RANBP10: variants seen among roughly 807,000 people sequenced by gnomAD.
RANBP10 encodes the protein RAN binding protein 10.
RANBP10 carries 24 observed loss-of-function variants against 72.8 expected under a neutral mutation model. The ratio of observed to expected loss-of-function variants is 0.33; its 90% CI spans 0.24 to 0.46. The LOEUF is 0.46. Among genes scored for constraint, RANBP10 ranks in the 20% least tolerant of loss-of-function variants. RANBP10 has a pLI of 1.00. For synonymous variants in RANBP10, 310 were observed against 322.3 expected, an observed-to-expected ratio of 0.96 and a Z score of 0.41; for missense variants, 679 against 817.5, an observed-to-expected ratio of 0.83 and a Z score of 2.07.
At chr16:67,765,731 G>C (rs1241341336) in intron 3 of RANBP10, among the ~76,000 whole-genome samples, 1 of 152,092 alleles carries the variant, frequency 6.6e-6, no homozygotes, top group Non-Finnish European at 1.5e-5. Context: ...AGCTACTCGA[G>C]AGGCTGAGGC....
At chr16:67,806,255 C>A in intron 1 of RANBP10, 47 bp downstream of exon 1, 1 of 1,522,344 alleles carries the variant, frequency 6.6e-7, no homozygotes. Flanking sequence ...CAGAGCCACC[C>A]CACGGACGCT....
chr16:67,786,705 A>G (rs901069752), intron 2 of RANBP10, among the ~76,000 whole-genome samples: 2 of 152,164 alleles, frequency 1.3e-5, no homozygotes, highest in African/African-American at 4.8e-5. Context: ...AGGCGGGCAG[A>G]TCAGTTAAGG....
Position 67,806,400 on chromosome 16 carries a change from A to C in RANBP10, c.137T>G (p.Val46Gly). The C allele has an allele frequency of 6.2e-7, 1 of 1,609,032 alleles. No individual in the cohort carries two copies. Among genetic ancestry groups the C allele is most frequent in the Non-Finnish European group, 8.5e-7 (1 of 1,178,054 alleles). The change falls in exon 1 of 14, where the codon GTC (valine) becomes GGC (glycine). Residue 46 changes from valine to glycine, a missense_variant. Val to Gly is a moderately radical substitution (Grantham distance 109, BLOSUM62 -3). Transcript: ENST00000317506. ...CGGCAGCGGAGTCTCTTGCTGGTTG[A>C]CCGCGGGATACAGGCGCTGCAAGCG... ...SRRLQRLYPA[V>G]NQQETPLPRS...
At chr16:67,755,931 G>A (rs895485957) in intron 3 of RANBP10, among the ~76,000 whole-genome samples, 4 of 152,248 alleles carry the variant, frequency 2.6e-5, no homozygotes, top group South Asian at 2.1e-4. Context: ...GTCTATGCCC[G>A]GCCATGTCAG....
chr16:67,740,416 T>C (rs1043931411), intron 4 of RANBP10, among the ~76,000 whole-genome samples: 6 of 152,140 alleles, frequency 3.9e-5, no homozygotes, highest in African/African-American at 1.4e-4. Context: ...TAAAGTCTTA[T>C]ATCTCCCAGA....
intron 2 of RANBP10, among the ~76,000 whole-genome samples, chr16:67,800,094 C>A (rs1198833977): frequency 2.0e-5 from 3 of 152,056 alleles, no homozygotes; most frequent in Non-Finnish European, 4.4e-5. Context: ...TGCACTCCAG[C>A]CTGGCAACAG....
At chr16:67,737,160 T>C (rs1202644524) in intron 5 of RANBP10, among the ~76,000 whole-genome samples, 1 of 126,604 alleles carries the variant, frequency 7.9e-6, no homozygotes, top group Non-Finnish European at 1.7e-5. Context: ...TTTTTTTTTT[T>C]GAACTAAGCA....
chr16:67,746,456 G>C (rs545290688), intron 3 of RANBP10, among the ~76,000 whole-genome samples: 1 of 152,210 alleles, frequency 6.6e-6, no homozygotes, highest in African/African-American at 2.4e-5. Context: ...ACTCCAGCCT[G>C]GGCGACACAG....
intron 2 of RANBP10, among the ~76,000 whole-genome samples, chr16:67,775,790 T>C (rs916829850): frequency 3.9e-5 from 3 of 76,748 alleles, no homozygotes; most frequent in Non-Finnish European, 5.5e-5. Context: ...AGACTCCGTC[T>C]AAAAAAAAAA....
intron 3 of RANBP10, among the ~76,000 whole-genome samples, chr16:67,761,896 T>A (rs1174561375): frequency 6.6e-6 from 1 of 151,966 alleles, no homozygotes; most frequent in African/African-American, 2.4e-5. Flanking sequence ...TAAAAGAACT[T>A]TAAATATATA....
At chr16:67,798,096 C>T (rs2055166894) in intron 2 of RANBP10, among the ~76,000 whole-genome samples, 3 of 151,924 alleles carry the variant, frequency 2.0e-5, no homozygotes. Flanking sequence ...GTTCCAGAAC[C>T]CAAACATTCC....
intron 3 of RANBP10, among the ~76,000 whole-genome samples, chr16:67,750,486 G>T (rs992143499): frequency 1.3e-5 from 2 of 152,184 alleles, no homozygotes; most frequent in Non-Finnish European, 2.9e-5. Context: ...TCCCGGGACT[G>T]TCCATGCCCC....
intron 2 of RANBP10, among the ~76,000 whole-genome samples, chr16:67,783,485 G>C (rs1379154294): frequency 6.6e-6 from 1 of 152,084 alleles, no homozygotes; most frequent in Non-Finnish European, 1.5e-5. Flanking sequence ...TCACAGCAGG[G>C]CTCCAAACAC....
intron 4 of RANBP10, chr16:67,738,653 C>T (rs2053905807): frequency 6.6e-6 from 1 of 152,254 alleles, no homozygotes; most frequent in South Asian, 2.1e-4. Flanking sequence ...GGGGTTTCAC[C>T]ATGTTAGCCA....
At chr16:67,743,607 C>G (rs138212046) in intron 4 of RANBP10, among the ~76,000 whole-genome samples, 1 of 152,164 alleles carries the variant, frequency 6.6e-6, no homozygotes, top group African/African-American at 2.4e-5. Flanking sequence ...TGGTTAACAA[C>G]AGTACTAATC....
chr16:67,802,087 C>G (rs898145639), intron 2 of RANBP10, among the ~76,000 whole-genome samples: 1 of 135,386 alleles, frequency 7.4e-6, no homozygotes, highest in African/African-American at 3.2e-5. Context: ...AGAGCGAGAC[C>G]CTGCCTCAAA....
At chr16:67,751,384 G>A (rs1375948076) in intron 3 of RANBP10, among the ~76,000 whole-genome samples, 1 of 152,226 alleles carries the variant, frequency 6.6e-6, no homozygotes, top group East Asian at 1.9e-4. Flanking sequence ...AAGCACTTGG[G>A]AGGATGAGGT....
intron 2 of RANBP10, among the ~76,000 whole-genome samples, chr16:67,797,455 G>A (rs1026807107): frequency 3.9e-5 from 6 of 152,116 alleles, no homozygotes; most frequent in Non-Finnish European, 7.4e-5. Flanking sequence ...GATTGATTGA[G>A]CGTAGGAGTT....
chr16:67,745,750 T>C (rs2054059997), intron 3 of RANBP10, among the ~76,000 whole-genome samples: 2 of 152,136 alleles, frequency 1.3e-5, no homozygotes, highest in Admixed American at 1.3e-4. Context: ...CTGAGCATGG[T>C]GGCTCATGCT....
Sources: allele counts gnomAD v4.1 joint callset (sites outside exome capture counted in the v4.1 genomes callset), GRCh38; gene constraint gnomAD v4.1.1; transcripts MANE v1.5; gene names NCBI Gene and HGNC (gene_info 2026-07-23, HGNC 2026-07-21).